ABTB3: variants seen among roughly 807,000 people sequenced by gnomAD.
The protein encoded by ABTB3 is ankyrin repeat- and BTB/POZ domain-containing protein 3.
At chr12:107,608,877 T>TATAAAATAAAATAAAATAAAA in the ABTB3 span, among the ~76,000 whole-genome samples, 54 of 90,362 alleles carry the variant, frequency 6.0e-4, 3 homozygotes, top group Non-Finnish European at 9.5e-4. Context: ...CCTCAAAAAT[T>TATAAAATAAAATAAAATAAAA]TAAAATAAAA....
chr12:107,638,622 C>T, the ABTB3 span, among the ~76,000 whole-genome samples: 1 of 152,334 alleles, frequency 6.6e-6, no homozygotes, highest in East Asian at 1.9e-4. Context: ...TCAAGGCGTT[C>T]TTTCATTCAC....
chr12:107,442,002 G>C, the ABTB3 span, among the ~76,000 whole-genome samples: 2 of 152,118 alleles, frequency 1.3e-5, no homozygotes. Flanking sequence ...TATGTGCTTA[G>C]AATGCAGAAT....
At chr12:107,637,786 T>TTGTGTGTGTG in the ABTB3 span, among the ~76,000 whole-genome samples, 9 of 144,652 alleles carry the variant, frequency 6.2e-5, no homozygotes, top group African/African-American at 1.8e-4. Context: ...AGCACTGATT[T>TTGTGTGTGTG]TGTGTGTGTG....
At chr12:107,434,399 A>G in the ABTB3 span, among the ~76,000 whole-genome samples, 1 of 152,228 alleles carries the variant, frequency 6.6e-6, no homozygotes, top group Admixed American at 6.5e-5. Flanking sequence ...AGACACCCAC[A>G]GCGTCTGCTA....
chr12:107,469,655 C>T, the ABTB3 span, among the ~76,000 whole-genome samples: 1 of 152,166 alleles, frequency 6.6e-6, no homozygotes, highest in Non-Finnish European at 1.5e-5. Context: ...AGGCAGTGCC[C>T]ACCTCATAGG....
chr12:107,468,711 T>C, the ABTB3 span, among the ~76,000 whole-genome samples: 1 of 151,988 alleles, frequency 6.6e-6, no homozygotes, highest in Non-Finnish European at 1.5e-5. Context: ...AAAGGAGATA[T>C]AAAGATGAAC....
the ABTB3 span, among the ~76,000 whole-genome samples, chr12:107,589,933 G>A: frequency 4.7e-3 from 712 of 152,224 alleles, 6 homozygotes; most frequent in African/African-American, 0.016. Flanking sequence ...TTTTTGAGAC[G>A]GAGTCTCACT....
At chr12:107,511,885 TG>T in the ABTB3 span, among the ~76,000 whole-genome samples, 1 of 152,102 alleles carries the variant, frequency 6.6e-6, no homozygotes, top group African/African-American at 2.4e-5. Flanking sequence ...CAGGTTTTAG[TG>T]GGGAGTCTAG....
At chr12:107,512,769 C>T in the ABTB3 span, among the ~76,000 whole-genome samples, 1 of 152,206 alleles carries the variant, frequency 6.6e-6, no homozygotes, top group African/African-American at 2.4e-5. Context: ...ATTGCATTCC[C>T]TATAAAGTAG....
chr12:107,392,033 A>AGCACC, the ABTB3 span, among the ~76,000 whole-genome samples: 35 of 152,264 alleles, frequency 2.3e-4, 1 homozygote, highest in Admixed American at 2.0e-3. Flanking sequence ...ACTGTCTCTG[A>AGCACC]GCACCGGTTT....
chr12:107,557,019 A>G, the ABTB3 span, among the ~76,000 whole-genome samples: 2 of 152,152 alleles, frequency 1.3e-5, no homozygotes, highest in South Asian at 2.1e-4. Context: ...CTCAAAAAAA[A>G]AAGTGGTATA....
the ABTB3 span, among the ~76,000 whole-genome samples, chr12:107,489,377 G>A: frequency 1.2e-4 from 19 of 152,010 alleles, no homozygotes; most frequent in Non-Finnish European, 2.6e-4. Context: ...AAAACCAGCC[G>A]GGCGTGGTGG....
the ABTB3 span, among the ~76,000 whole-genome samples, chr12:107,397,853 T>C: frequency 2.6e-5 from 4 of 152,266 alleles, no homozygotes; most frequent in South Asian, 2.1e-4. Flanking sequence ...ATACCTTTGT[T>C]TGAGTAGCCC....
chr12:107,466,350 C>G, the ABTB3 span, among the ~76,000 whole-genome samples: 1 of 152,026 alleles, frequency 6.6e-6, no homozygotes, highest in East Asian at 1.9e-4. Context: ...GCGCTTGGGA[C>G]ACCGTGAGGT....
chr12:107,598,271 A>G, the ABTB3 span, among the ~76,000 whole-genome samples: 1 of 152,220 alleles, frequency 6.6e-6, no homozygotes, highest in Non-Finnish European at 1.5e-5. Flanking sequence ...CAAGTTAGCA[A>G]TGAGATGTCA....
chr12:107,494,219 C>A, the ABTB3 span, among the ~76,000 whole-genome samples: 1 of 152,124 alleles, frequency 6.6e-6, no homozygotes, highest in Non-Finnish European at 1.5e-5. Context: ...GGTTGGAAGT[C>A]AAGGAGATCT....
chr12:107,645,083 C>T, the ABTB3 span, among the ~76,000 whole-genome samples: 1 of 151,320 alleles, frequency 6.6e-6, no homozygotes, highest in Non-Finnish European at 1.5e-5. Context: ...AGTGATTCTC[C>T]TGCCTCAGCC....
chr12:107,328,147 G>C, the ABTB3 span, among the ~76,000 whole-genome samples: 2 of 152,166 alleles, frequency 1.3e-5, no homozygotes, highest in Non-Finnish European at 2.9e-5. Context: ...GCATTTAATA[G>C]AGCTAGCCAC....
chr12:107,344,026 A>C, the ABTB3 span, among the ~76,000 whole-genome samples: 11 of 152,218 alleles, frequency 7.2e-5, no homozygotes, highest in South Asian at 8.3e-4. Context: ...TTCTGCATCA[A>C]CTCAGGCTCC....
Sources: allele counts gnomAD v4.1 joint callset (sites outside exome capture counted in the v4.1 genomes callset), GRCh38; gene constraint gnomAD v4.1.1; transcripts MANE v1.5; gene names NCBI Gene and HGNC (gene_info 2026-07-23, HGNC 2026-07-21).